Variants in NLGN1 observed in about 807,000 individuals in gnomAD.
NLGN1 encodes the protein neuroligin-1.
NLGN1 carries 12 observed loss-of-function variants against 65.5 expected under a neutral mutation model. The observed-to-expected ratio is 0.18, with a 90% CI of 0.12 to 0.30. NLGN1 has a LOEUF of 0.30. NLGN1 is among the 10% of genes least tolerant of loss of function. NLGN1 has a pLI of 1.00. For synonymous variants in NLGN1, 350 were observed against 359.5 expected, an observed-to-expected ratio of 0.97 and a Z score of 0.30; for missense variants, 750 against 1,007.1, an observed-to-expected ratio of 0.74 and a Z score of 3.46.
chr3:173,747,782 CT>C (rs1775692626), intron 3 of NLGN1, among the ~76,000 whole-genome samples: 1 of 67,216 alleles, frequency 1.5e-5, no homozygotes, highest in African/African-American at 6.8e-5. Flanking sequence ...ACAAAATTTT[CT>C]TTCTTCTTCT....
At chr3:173,997,946 G>A (rs935221551) in intron 4 of NLGN1, among the ~76,000 whole-genome samples, 48 of 152,182 alleles carry the variant, frequency 3.2e-4, no homozygotes, top group Admixed American at 1.6e-3. Flanking sequence ...CATTCAACAA[G>A]CATTTGAGCA....
chr3:174,257,289 T>A (rs1745975940), intron 4 of NLGN1, among the ~76,000 whole-genome samples: 1 of 152,120 alleles, frequency 6.6e-6, no homozygotes, highest in African/African-American at 2.4e-5. Context: ...GAAAAAAGAA[T>A]GCTTTTACAC....
At chr3:173,692,457 C>T (rs1765612574) in intron 3 of NLGN1, among the ~76,000 whole-genome samples, 1 of 151,924 alleles carries the variant, frequency 6.6e-6, no homozygotes, top group Non-Finnish European at 1.5e-5. Flanking sequence ...TATAATAAAG[C>T]AAATAATCAG....
intron 3 of NLGN1, among the ~76,000 whole-genome samples, chr3:173,754,342 T>A (rs2150173179): frequency 6.6e-6 from 1 of 152,216 alleles, no homozygotes; most frequent in Non-Finnish European, 1.5e-5. Context: ...GTGCCTGGAC[T>A]TCAAGTGTTC....
chr3:173,597,210 G>A (rs1382239645), intron 2 of NLGN1, among the ~76,000 whole-genome samples: 1 of 152,204 alleles, frequency 6.6e-6, no homozygotes, highest in East Asian at 1.9e-4. Context: ...AAAGGTGCAG[G>A]ATATGTTCTT....
intron 4 of NLGN1, among the ~76,000 whole-genome samples, chr3:173,901,066 A>G (rs1737265732): frequency 6.6e-6 from 1 of 152,022 alleles, no homozygotes; most frequent in African/African-American, 2.4e-5. Context: ...GACTTTTTTG[A>G]TCATCTAATT....
At chr3:173,793,695 T>G (rs1713319302) in intron 3 of NLGN1, among the ~76,000 whole-genome samples, 1 of 152,158 alleles carries the variant, frequency 6.6e-6, no homozygotes, top group Admixed American at 6.5e-5. Flanking sequence ...ACAAATGGAA[T>G]AAGACCTCAG....
At chr3:173,486,424 A>G (rs1728190985) in intron 2 of NLGN1, among the ~76,000 whole-genome samples, 1 of 152,164 alleles carries the variant, frequency 6.6e-6, no homozygotes, top group Non-Finnish European at 1.5e-5. Context: ...CTAGACTGTC[A>G]GAGGAGTTCA....
At chr3:174,090,488 A>G (rs984820565) in intron 4 of NLGN1, among the ~76,000 whole-genome samples, 12 of 152,090 alleles carry the variant, frequency 7.9e-5, no homozygotes, top group Non-Finnish European at 1.8e-4. Flanking sequence ...AAGAAAAAAG[A>G]AAAAGAGACT....
intron 3 of NLGN1, among the ~76,000 whole-genome samples, chr3:173,666,928 A>G (rs1489519353): frequency 6.6e-6 from 1 of 152,188 alleles, no homozygotes; most frequent in East Asian, 1.9e-4. Context: ...AAATGTTAAC[A>G]TTTTATTGTA....
At chr3:173,806,615 G>A (rs1216496888) in intron 3 of NLGN1, among the ~76,000 whole-genome samples, 1 of 152,026 alleles carries the variant, frequency 6.6e-6, no homozygotes, top group Admixed American at 6.6e-5. Context: ...CATACATATA[G>A]TAGTTCAAAT....
At chr3:173,811,502 G>A (rs1463107227) in intron 4 of NLGN1, among the ~76,000 whole-genome samples, 1 of 150,988 alleles carries the variant, frequency 6.6e-6, no homozygotes, top group Non-Finnish European at 1.5e-5. Context: ...GGGAGGCAGA[G>A]GTTGCAGTGA....
intron 4 of NLGN1, among the ~76,000 whole-genome samples, chr3:174,100,774 G>T (rs1326852114): frequency 6.6e-6 from 1 of 151,828 alleles, no homozygotes; most frequent in Non-Finnish European, 1.5e-5. Flanking sequence ...ATCTTCATAA[G>T]GGGTAAGAAA....
intron 4 of NLGN1, among the ~76,000 whole-genome samples, chr3:173,906,057 T>C (rs777674188): frequency 2.0e-5 from 3 of 152,206 alleles, no homozygotes; most frequent in Non-Finnish European, 2.9e-5. Context: ...CAATAAATTC[T>C]CTTTAATTTC....
intron 4 of NLGN1, among the ~76,000 whole-genome samples, chr3:173,943,096 C>T: frequency 6.6e-6 from 1 of 151,912 alleles, no homozygotes; most frequent in East Asian, 1.9e-4. Context: ...CATGGTGGCA[C>T]ATGCTTGTGA....
intron 4 of NLGN1, among the ~76,000 whole-genome samples, chr3:173,870,895 C>T (rs868433339): frequency 1.3e-5 from 2 of 152,156 alleles, no homozygotes; most frequent in African/African-American, 4.8e-5. Context: ...CACAGAACTC[C>T]TAATACCTTA....
chr3:173,674,339 G>A (rs1165375837), intron 3 of NLGN1, among the ~76,000 whole-genome samples: 1 of 152,004 alleles, frequency 6.6e-6, no homozygotes, highest in Non-Finnish European at 1.5e-5. Context: ...TATTTATTGT[G>A]CCCTTATTGT....
intron 2 of NLGN1, among the ~76,000 whole-genome samples, chr3:173,587,459 C>T (rs9809658): frequency 2.8e-4 from 43 of 152,056 alleles, no homozygotes; most frequent in Middle Eastern, 3.4e-3. Flanking sequence ...GGCCAGTAAA[C>T]GAAGAGCAAG....
At position 173,836,414 on chromosome 3, in the gene NLGN1, A is replaced by G. The variant is rs556996011; in HGVS notation, c.646+28582A>G. 2.6e-5 allele frequency among the ~76,000 whole-genome samples: 4 copies of G among 152,242 alleles called. No individual in the cohort carries two copies. In the East Asian group the frequency reaches 7.7e-4, roughly 29 times the overall value. ...CTAATACTATAGTAGTAATAATCATACTACTACTAATAATAATAGTTTATT... is the reference window on the plus strand; with the variant it reads ...CTAATACTATAGTAGTAATAATCATGCTACTACTAATAATAATAGTTTATT... On this transcript the variant is annotated intron_variant, in intron 4 of 6. Transcript: ENST00000457714.
Sources: gnomAD v4.1 joint callset for allele counts (sites outside exome capture counted in the v4.1 genomes callset) on GRCh38, gnomAD v4.1.1 for gene constraint, MANE v1.5 for transcripts, NCBI Gene and HGNC (gene_info 2026-07-23, HGNC 2026-07-21) for gene names.